Variants in ATP8A2 observed in about 807,000 individuals in gnomAD.
ATP8A2 encodes phospholipid-transporting ATPase IB.
ATP8A2 carries 100 observed loss-of-function variants against 165.6 expected under a neutral mutation model. The ratio of observed to expected loss-of-function variants is 0.60; its 90% CI spans 0.51 to 0.71. The LOEUF (loss-of-function observed/expected upper bound fraction) is 0.71. Ranked by LOEUF, ATP8A2 falls within the 30% of genes least tolerant of loss-of-function variation. ATP8A2 has a pLI of 0.00. For missense variants in ATP8A2, 1,227 were observed against 1,479.5 expected, an observed-to-expected ratio of 0.83 and a Z score of 2.80; for synonymous variants, 543 against 548.8, an observed-to-expected ratio of 0.99 and a Z score of 0.15.
chr13:25,877,339 G>GCT (rs1274500558), intron 33 of ATP8A2, among the ~76,000 whole-genome samples: 2 of 152,188 alleles, frequency 1.3e-5, no homozygotes, highest in Non-Finnish European at 2.9e-5. Flanking sequence ...GGTCTACAGA[G>GCT]CTCACCTCTT....
At chr13:26,004,875 A>T (rs116343558) in intron 35 of ATP8A2, among the ~76,000 whole-genome samples, 6 of 152,112 alleles carry the variant, frequency 3.9e-5, no homozygotes, top group African/African-American at 1.4e-4. Context: ...ATGTGTTGTT[A>T]AGTTCAGTTT....
chr13:25,372,294 C>A lies in ATP8A2; in HGVS notation c.76+6C>A. The A allele has an allele frequency of 1.7e-6, 2 of 1,180,704 alleles. No homozygotes were observed. The highest frequency in any genetic ancestry group is 1.4e-5 in the South Asian group (1 of 71,310). The allele number at this position is 1,180,704 out of a possible 1,614,324, so 73.1% of individuals were successfully genotyped here. ...GAGGATCCGCTCGTCCGTGGGTGAG[C>A]TGGGAGGGGCGCGGCGAGGGAGGGT... On this transcript the variant is annotated splice_donor_region_variant and intron_variant, in intron 1 of 36. Transcript: ENST00000381655. This position sits in a 1 kb window ranked among gnomAD's most constrained non-coding sequence, Gnocchi z 4.8.
intron 1 of ATP8A2, among the ~76,000 whole-genome samples, chr13:25,458,212 C>G (rs1414618151): frequency 6.6e-6 from 1 of 152,124 alleles, no homozygotes; most frequent in Non-Finnish European, 1.5e-5. Context: ...GGCAAGCCAG[C>G]CTTTTGTTTA....
In ATP8A2 at chr13:25,372,026, T is replaced by G; in HGVS notation, c.-187T>G. ...GGTGGCGTTCGCGGATGCTGCCGCA[T>G]TGGCCGCTGCGGCACGGACGGCGCA... On this transcript the variant is annotated 5_prime_UTR_variant, in exon 1 of 37. Coordinates refer to ENST00000381655, the MANE Select transcript of ATP8A2 (RefSeq NM_016529.6). The surrounding 1 kb of genome is among the most constrained non-coding windows in gnomAD (Gnocchi z 4.8). 1 of 225,472 alleles carries G rather than the reference T, an allele frequency of 4.4e-6. No homozygotes were observed. Among genetic ancestry groups the G allele is most frequent in the Non-Finnish European group, 8.4e-6 (1 of 119,442 alleles). The allele number at this position is 225,472 out of a possible 1,614,324, so 14.0% of individuals were successfully genotyped here.
intron 2 of ATP8A2, among the ~76,000 whole-genome samples, chr13:25,494,523 G>A (rs1251976712): frequency 6.6e-6 from 1 of 152,208 alleles, no homozygotes; most frequent in East Asian, 1.9e-4. Flanking sequence ...TGAAAAGAGA[G>A]GAGACTGTGG....
chr13:25,809,421 G>C (rs928500001), intron 27 of ATP8A2, among the ~76,000 whole-genome samples: 18 of 152,096 alleles, frequency 1.2e-4, no homozygotes, highest in Non-Finnish European at 2.2e-4. Flanking sequence ...CCAAAAGAGA[G>C]CTGTTGATTC....
At chr13:25,398,407 T>C (rs1220553610) in intron 1 of ATP8A2, among the ~76,000 whole-genome samples, 1 of 152,218 alleles carries the variant, frequency 6.6e-6, no homozygotes, top group Non-Finnish European at 1.5e-5. Flanking sequence ...CTTCCTATCA[T>C]GGCCTGAGCT....
At chr13:25,373,987 G>A (rs553970141) in intron 1 of ATP8A2, among the ~76,000 whole-genome samples, 1 of 152,224 alleles carries the variant, frequency 6.6e-6, no homozygotes, top group East Asian at 1.9e-4. Context: ...TTTGAACAAG[G>A]GGCCCACCTT....
At chr13:25,490,884 G>A (rs2036510193) in intron 2 of ATP8A2, among the ~76,000 whole-genome samples, 1 of 151,808 alleles carries the variant, frequency 6.6e-6, no homozygotes, top group African/African-American at 2.4e-5. Context: ...TGGGAATATA[G>A]GCACACGTCA....
intron 27 of ATP8A2, among the ~76,000 whole-genome samples, chr13:25,799,991 G>A (rs1023460612): frequency 1.6e-4 from 25 of 152,300 alleles, no homozygotes; most frequent in Admixed American, 7.8e-4. Context: ...TACCATAATC[G>A]TAATAACAAC....
chr13:25,904,236 T>C (rs1358950548), intron 33 of ATP8A2, among the ~76,000 whole-genome samples: 1 of 152,214 alleles, frequency 6.6e-6, no homozygotes, highest in Non-Finnish European at 1.5e-5. Context: ...AACCTATACC[T>C]TGGACCTGTC....
chr13:25,550,290 G>A (rs1295533903), intron 10 of ATP8A2, among the ~76,000 whole-genome samples: 1 of 152,174 alleles, frequency 6.6e-6, no homozygotes, highest in East Asian at 1.9e-4. Context: ...GGGTGAGAGA[G>A]TGAGACTCCA....
intron 1 of ATP8A2, among the ~76,000 whole-genome samples, chr13:25,455,654 G>A (rs2035346534): frequency 6.6e-6 from 1 of 152,070 alleles, no homozygotes; most frequent in Admixed American, 6.6e-5. Context: ...AGAATGCCAG[G>A]CCTCTTGTCT....
rs17082739 is a variant in ATP8A2 at position 25,778,824 on chromosome 13, A to G, written c.2679+3865A>G. Among the ~76,000 whole-genome samples the G allele has an allele frequency of 4.6e-3, 697 of 152,276 alleles. 4 individuals are homozygous for G. The highest frequency in any genetic ancestry group is 0.016 in the African/African-American group (652 of 41,548). ...CTGTATCCTCCTTACTTTATTTGTA[A>G]TCAGTGTTACTCAAGTATGATTGAT... On this transcript the variant is annotated intron_variant, in intron 27 of 36. Transcript: ENST00000381655.
chr13:25,936,407 G>T (rs1369978238), intron 33 of ATP8A2, among the ~76,000 whole-genome samples: 1 of 152,228 alleles, frequency 6.6e-6, no homozygotes, highest in Non-Finnish European at 1.5e-5. Context: ...GACAGGCCCT[G>T]CAGAGTCTTC....
At chr13:25,971,302 C>T (rs776989455) in intron 35 of ATP8A2, among the ~76,000 whole-genome samples, 13 of 142,196 alleles carry the variant, frequency 9.1e-5, no homozygotes, top group Non-Finnish European at 2.0e-4. Flanking sequence ...GCCTCCTAAG[C>T]TGCCTCACAA....
At chr13:25,468,737 A>G (rs1484746509) in intron 1 of ATP8A2, 5 of 729,566 alleles carry the variant, frequency 6.9e-6, no homozygotes, top group African/African-American at 1.9e-5. Context: ...GGCTCGCTCC[A>G]CAAGCGCCAG....
intron 1 of ATP8A2, among the ~76,000 whole-genome samples, chr13:25,438,944 A>AAT (rs1200543473): frequency 1.3e-5 from 2 of 152,218 alleles, no homozygotes; most frequent in East Asian, 3.9e-4. Context: ...GGTCAGAGAG[A>AAT]ATATATTTGG....
At chr13:25,598,176 G>T (rs766956736) in intron 24 of ATP8A2, among the ~76,000 whole-genome samples, 1 of 152,128 alleles carries the variant, frequency 6.6e-6, no homozygotes, top group Non-Finnish European at 1.5e-5. Flanking sequence ...AACCTATTGA[G>T]CATATATGTG....
Sources: gnomAD v4.1 joint callset for allele counts (sites outside exome capture counted in the v4.1 genomes callset) on GRCh38, gnomAD v4.1.1 for gene constraint, Gnocchi (gnomAD v3.1) non-coding constraint, MANE v1.5 for transcripts, NCBI Gene and HGNC (gene_info 2026-07-23, HGNC 2026-07-21) for gene names.